IFNAR2: variants seen among roughly 807,000 people sequenced by gnomAD.
IFNAR2 encodes the protein interferon alpha and beta receptor subunit 2, also known as interferon alpha/beta receptor 2.
In IFNAR2, 30 loss-of-function variants were observed where a neutral mutation model predicts 49.4. That is an observed-to-expected ratio of 0.61 (90% CI 0.45 to 0.82). The LOEUF is 0.82. Ranked by LOEUF, IFNAR2 falls within the 40% of genes least tolerant of loss-of-function variation. IFNAR2 has a pLI of 0.00. For missense variants in IFNAR2, 600 were observed against 622.7 expected, an observed-to-expected ratio of 0.96 and a Z score of 0.39; for synonymous variants, 224 against 234.5, an observed-to-expected ratio of 0.96 and a Z score of 0.41.
chr21:33,255,886 G>T (rs1988176709), intron 7 of IFNAR2, among the ~76,000 whole-genome samples: 1 of 152,084 alleles, frequency 6.6e-6, no homozygotes, highest in Non-Finnish European at 1.5e-5. Flanking sequence ...CTCATATGTG[G>T]CCCCTAAAAG....
At chr21:33,252,100 CT>C in intron 6 of IFNAR2, 1 of 456,132 alleles carries the variant, frequency 2.2e-6, no homozygotes, top group Non-Finnish European at 4.5e-6. Flanking sequence ...ATCTATCTAT[CT>C]ATCTATCTAT....
chr21:33,260,781 A>C (rs1988516086), intron 8 of IFNAR2, 54 bp downstream of exon 8: 1 of 1,148,844 alleles, frequency 8.7e-7, no homozygotes. Context: ...TTTTATTTTA[A>C]CTTAAGAATT....
chr21:33,252,550 G>T, intron 6 of IFNAR2, 112 bp from the exon 7 acceptor site: 1 of 1,465,240 alleles, frequency 6.8e-7, no homozygotes. Flanking sequence ...TTCTTACCAA[G>T]CCTGTGATAA....
intron 6 of IFNAR2, among the ~76,000 whole-genome samples, chr21:33,250,236 G>A (rs1052762762): frequency 1.3e-5 from 2 of 152,176 alleles, no homozygotes; most frequent in African/African-American, 2.4e-5. Flanking sequence ...GGACTATGTG[G>A]AGTGTCATTA....
chr21:33,244,384 G>A (rs1011556703), intron 3 of IFNAR2, among the ~76,000 whole-genome samples: 1 of 152,128 alleles, frequency 6.6e-6, no homozygotes, highest in Non-Finnish European at 1.5e-5. Flanking sequence ...TTTTCATAGT[G>A]CCTACTTCAG....
Position 33,243,717 on chromosome 21 carries a change from AAG to A in IFNAR2, c.97+7_97+8del. 1 of 1,611,164 alleles carries A rather than the reference AAG, an allele frequency of 6.2e-7. No individual in the cohort carries two copies. Among genetic ancestry groups the A allele is most frequent in the Non-Finnish European group, 8.5e-7 (1 of 1,177,320 alleles). ...TGGTATTTCATATGATTCGCCTGGTAAGAGATGTTTTTTGGCTTCACTAAATT... is the reference window on the plus strand; with the variant it reads ...TGGTATTTCATATGATTCGCCTGGTAAGATGTTTTTTGGCTTCACTAAATT... On this transcript the variant is annotated splice_donor_5th_base_variant and intron_variant, in intron 3 of 8. Coordinates refer to ENST00000342136, the MANE Select transcript of IFNAR2 (RefSeq NM_001289125.3).
At position 33,263,672 on chromosome 21, in the gene IFNAR2, C is replaced by A. The variant is rs1057379401; in HGVS notation, c.*172C>A. ...CCTATGCACATTCCCAGTATGGGGA[C>A]CATAGTATCATTCAGTGCATTGTTT... is the stretch of plus-strand genomic sequence containing the variant. On this transcript the variant is annotated 3_prime_UTR_variant, in exon 9 of 9. Transcript: ENST00000342136. 2 of 616,620 alleles carry A rather than the reference C, an allele frequency of 3.2e-6. No homozygotes were observed. The highest frequency in any genetic ancestry group is 3.7e-5 in the African/African-American group (2 of 54,102). The allele number at this position is 616,620 out of a possible 1,614,324, so 38.2% of individuals were successfully genotyped here.
intron 5 of IFNAR2, 43 bp from the exon 6 acceptor site, chr21:33,248,666 G>T: frequency 1.3e-6 from 2 of 1,550,728 alleles, no homozygotes; most frequent in South Asian, 1.3e-5. Context: ...GGCCACATAT[G>T]GTCTCTGTGA....
intron 1 of IFNAR2, among the ~76,000 whole-genome samples, chr21:33,241,175 T>C (rs1167612231): frequency 3.3e-5 from 5 of 152,216 alleles, no homozygotes; most frequent in Admixed American, 3.3e-4. Context: ...AAACTGCACT[T>C]GTACCCCTTA....
At chr21:33,234,730 A>C (rs945586091) in intron 1 of IFNAR2, 1 of 984,914 alleles carries the variant, frequency 1.0e-6, no homozygotes, top group African/African-American at 1.7e-5. Flanking sequence ...AGAAGGCCAC[A>C]GTGTCACAGG....
In IFNAR2 at chr21:33,262,886, A is replaced by G; in HGVS notation, c.934A>G (p.Lys312Glu). The change falls in exon 9 of 9, where the codon AAA becomes GAA. Residue 312 changes from lysine (K) to glutamate (E), a missense_variant. Physicochemically the swap from Lys to Glu is moderately conservative, Grantham distance 56. Transcript: ENST00000342136. ...VEVIYINRKK[K>E]VWDYNYDDES... ...GGTCATTTACATCAACAGAAAGAAG[A>G]AAGTGTGGGATTATAATTATGATGA... is the stretch of plus-strand genomic sequence containing the variant. 6.2e-7 allele frequency: 1 copy of G among 1,614,078 alleles called. No individual in the cohort carries two copies. Among genetic ancestry groups the G allele is most frequent in the Non-Finnish European group, 8.5e-7 (1 of 1,180,014 alleles).
At chr21:33,235,073 CTG>C (rs574667105) in intron 1 of IFNAR2, among the ~76,000 whole-genome samples, 175 of 152,310 alleles carry the variant, frequency 1.1e-3, no homozygotes, top group Non-Finnish European at 1.7e-3. Flanking sequence ...CATTTGTAAA[CTG>C]TGGTGGCACT....
intron 1 of IFNAR2, among the ~76,000 whole-genome samples, chr21:33,234,164 G>A (rs1021933859): frequency 6.8e-6 from 1 of 146,224 alleles, no homozygotes; most frequent in Non-Finnish European, 1.5e-5. Flanking sequence ...CTTTTCCCAA[G>A]TAACATTAAA....
At chr21:33,262,366 A>C (rs79032734) in intron 8 of IFNAR2, among the ~76,000 whole-genome samples, 1 of 61,268 alleles carries the variant, frequency 1.6e-5, no homozygotes, top group Non-Finnish European at 3.1e-5. Flanking sequence ...TCCCGTCTCA[A>C]AAAAAAAAAA....
At position 33,230,502 on chromosome 21, in the gene IFNAR2, T is replaced by TCCCCCC; in HGVS notation, c.-84+289_-84+290insCCCCCC. On this transcript the variant is annotated intron_variant, in intron 1 of 8. Transcript: ENST00000342136. This position sits in a 1 kb window ranked among gnomAD's most constrained non-coding sequence, Gnocchi z 5.5. ...TCCGCTTTCGTTGCACCCCTCCGCG[T>TCCCCCC]CCCACCCCACCCCACCAAGGATGCC... 2 of 470,192 alleles carry TCCCCCC rather than the reference T, an allele frequency of 4.3e-6. No homozygotes were observed. Among genetic ancestry groups the TCCCCCC allele is most frequent in the South Asian group, 3.1e-5 (2 of 64,442 alleles). 29.1% of individuals were successfully genotyped at this position (470,192 alleles called of 1,614,324 possible). A position where few individuals can be genotyped will look rare whatever the true frequency, so the allele number is the denominator to read the frequency against.
chr21:33,260,847 A>T, intron 8 of IFNAR2, 120 bp downstream of exon 8: 1 of 597,004 alleles, frequency 1.7e-6, no homozygotes, highest in Non-Finnish European at 2.7e-6. Flanking sequence ...AAACACCAAA[A>T]TGCTTTCTCA....
chr21:33,234,183 CTGTGTGTG>C (rs61686449), intron 1 of IFNAR2, among the ~76,000 whole-genome samples: 77 of 140,800 alleles, frequency 5.5e-4, no homozygotes, highest in African/African-American at 1.4e-3. Context: ...AACAGAAACA[CTGTGTGTG>C]TGTGTGTGTG....
Position 33,241,979 on chromosome 21 carries a change from T to C in IFNAR2, c.55+2T>C. 6.2e-7 allele frequency: 1 copy of C among 1,611,680 alleles called. No homozygotes were observed. The highest frequency in any genetic ancestry group is 8.5e-7 in the Non-Finnish European group (1 of 1,179,010). ...GATCACTTAATTTGGTTCTCATGGG[T>C]AAGTGCTGCTTTTTATCTTAGCTCT... On this transcript the variant is annotated splice_donor_variant, in intron 2 of 8. Coordinates refer to ENST00000342136, the MANE Select transcript of IFNAR2 (RefSeq NM_001289125.3). LOFTEE classifies it high-confidence loss of function.
Position 33,230,685 on chromosome 21 carries a change from C to G in IFNAR2, c.-84+469C>G, listed in dbSNP as rs549018895. The G allele has an allele frequency of 7.2e-4, 315 of 439,622 alleles. 2 individuals are homozygous for G. Among genetic ancestry groups the G allele is most frequent in the Admixed American group, 4.7e-3 (189 of 40,548 alleles). 27.2% of individuals were successfully genotyped at this position (439,622 alleles called of 1,614,324 possible). On this transcript the variant is annotated intron_variant, in intron 1 of 8. Transcript: ENST00000342136. The surrounding 1 kb of genome is among the most constrained non-coding windows in gnomAD (Gnocchi z 5.5). Reference sequence around the variant, plus strand: ...CCCCTTGAGGTCCCCTGGGATTAGCCCCCCTCGACCTGCGTCAGGGTCACA... The same window carrying G: ...CCCCTTGAGGTCCCCTGGGATTAGCGCCCCTCGACCTGCGTCAGGGTCACA...
Sources: allele counts gnomAD v4.1 joint callset (sites outside exome capture counted in the v4.1 genomes callset), GRCh38; gene constraint gnomAD v4.1.1; non-coding constraint Gnocchi (gnomAD v3.1); transcripts MANE v1.5; gene names NCBI Gene and HGNC (gene_info 2026-07-23, HGNC 2026-07-21).